The following LRCH1 variants were observed in gnomAD, a reference collection of about 807,000 sequenced individuals.
The protein encoded by LRCH1 is leucine rich repeats and calponin homology domain containing 1.
LRCH1 carries 23 observed loss-of-function variants against 94.9 expected under a neutral mutation model. The ratio of observed to expected loss-of-function variants is 0.24; its 90% CI spans 0.17 to 0.34. The LOEUF (loss-of-function observed/expected upper bound fraction) is 0.34. LRCH1 is among the 10% of genes least tolerant of loss of function. LRCH1 has a pLI of 1.00. For missense variants in LRCH1, 790 were observed against 945.9 expected (o/e 0.84, Z 2.16); for synonymous variants, 364 against 354.9 (o/e 1.03, Z -0.29).
At chr13:46,625,202 GTCCGTGTTAGCAGTACCCTC>G (rs1326013440) in intron 1 of LRCH1, among the ~76,000 whole-genome samples, 1 of 152,222 alleles carries the variant, frequency 6.6e-6, no homozygotes, top group Admixed American at 6.5e-5. Flanking sequence ...GACTCCCTCA[GTCCGTGTTAGCAGTACCCTC>G]TTCCATACTC....
intron 1 of LRCH1, among the ~76,000 whole-genome samples, chr13:46,644,972 C>T (rs1022230227): frequency 1.3e-5 from 2 of 152,176 alleles, no homozygotes; most frequent in Admixed American, 6.5e-5. Context: ...AATCTCATTC[C>T]TTGAGAGGCT....
intron 1 of LRCH1, among the ~76,000 whole-genome samples, chr13:46,607,696 T>C (rs899203307): frequency 6.6e-6 from 1 of 151,986 alleles, no homozygotes; most frequent in Non-Finnish European, 1.5e-5. Flanking sequence ...TAAACACTTG[T>C]ATTAGTTTCA....
chr13:46,653,482 TA>T (rs924955548), intron 2 of LRCH1, among the ~76,000 whole-genome samples: 9 of 152,204 alleles, frequency 5.9e-5, no homozygotes, highest in African/African-American at 2.2e-4. Flanking sequence ...CATATATAAT[TA>T]TTTTCAAAAC....
intron 1 of LRCH1, among the ~76,000 whole-genome samples, chr13:46,585,825 C>T (rs1396452555): frequency 6.9e-6 from 1 of 145,616 alleles, no homozygotes; most frequent in East Asian, 2.2e-4. Flanking sequence ...ACTAAGAAAT[C>T]CTTTCCAGCT....
chr13:46,571,163 C>T (rs1289518383), intron 1 of LRCH1, among the ~76,000 whole-genome samples: 1 of 152,190 alleles, frequency 6.6e-6, no homozygotes, highest in African/African-American at 2.4e-5. Flanking sequence ...ATATGTTAGA[C>T]TTTTGGTGAT....
intron 11 of LRCH1, among the ~76,000 whole-genome samples, chr13:46,702,296 G>C (rs1336487439): frequency 1.3e-5 from 2 of 152,170 alleles, no homozygotes; most frequent in African/African-American, 4.8e-5. Flanking sequence ...GAGGCCAGGA[G>C]TTCGAGACCA....
intron 10 of LRCH1, among the ~76,000 whole-genome samples, chr13:46,700,504 G>T (rs842398): frequency 0.79 from 120,516 of 152,046 alleles, 47,917 homozygotes; most frequent in African/African-American, 0.87. Flanking sequence ...CTATATAACG[G>T]TTTGGAAACT....
At chr13:46,714,325 T>C (rs998647737) in intron 15 of LRCH1, among the ~76,000 whole-genome samples, 1 of 152,210 alleles carries the variant, frequency 6.6e-6, no homozygotes, top group African/African-American at 2.4e-5. Flanking sequence ...TTGCATTATG[T>C]ATGGAAATTT....
intron 1 of LRCH1, among the ~76,000 whole-genome samples, chr13:46,587,492 TAG>T (rs1160227131): frequency 6.6e-6 from 1 of 152,238 alleles, no homozygotes; most frequent in Non-Finnish European, 1.5e-5. Context: ...AAAAACTTAA[TAG>T]AGTTTCTTAG....
intron 17 of LRCH1, among the ~76,000 whole-genome samples, chr13:46,725,120 C>T (rs181861367): frequency 6.6e-6 from 1 of 152,276 alleles, no homozygotes; most frequent in Non-Finnish European, 1.5e-5. Context: ...AACCAAATAC[C>T]ACGTTCTCAC....
chr13:46,733,821 A>C, intron 18 of LRCH1, 100 bp from the exon 19 acceptor site: 1 of 643,800 alleles, frequency 1.6e-6, no homozygotes, highest in South Asian at 2.1e-5. Context: ...TCCAATAAAC[A>C]TGTATTGCTT....
chr13:46,637,142 C>T (rs1474743990), intron 1 of LRCH1, among the ~76,000 whole-genome samples: 1 of 152,204 alleles, frequency 6.6e-6, no homozygotes. Flanking sequence ...TCATAATTGA[C>T]TACTCTTTTT....
chr13:46,600,033 A>G (rs1159911882), intron 1 of LRCH1, among the ~76,000 whole-genome samples: 1 of 152,202 alleles, frequency 6.6e-6, no homozygotes, highest in African/African-American at 2.4e-5. Context: ...TTGTTGTATT[A>G]AAAAATAGCA....
At chr13:46,665,618 C>G (rs1314451661) in intron 2 of LRCH1, among the ~76,000 whole-genome samples, 1 of 152,184 alleles carries the variant, frequency 6.6e-6, no homozygotes, top group East Asian at 1.9e-4. Context: ...CTTTCCTCCC[C>G]ACCCTGATCT....
intron 1 of LRCH1, among the ~76,000 whole-genome samples, chr13:46,554,551 C>T (rs1412594152): frequency 6.6e-6 from 1 of 152,206 alleles, no homozygotes; most frequent in Non-Finnish European, 1.5e-5. Context: ...CCTGTGTGAG[C>T]CCGGCAAGTT....
intron 1 of LRCH1, among the ~76,000 whole-genome samples, chr13:46,597,691 T>A (rs1476787866): frequency 3.3e-5 from 5 of 152,158 alleles, no homozygotes; most frequent in Non-Finnish European, 7.4e-5. Context: ...AAGGCTGTGA[T>A]GTGCCTTATA....
At chr13:46,655,358 CAT>C (rs1412789167) in intron 2 of LRCH1, among the ~76,000 whole-genome samples, 1 of 152,216 alleles carries the variant, frequency 6.6e-6, no homozygotes, top group African/African-American at 2.4e-5. Flanking sequence ...CATTTTCTCA[CAT>C]GACAGAAATG....
At chr13:46,582,020 T>G (rs1411193105) in intron 1 of LRCH1, among the ~76,000 whole-genome samples, 1 of 151,900 alleles carries the variant, frequency 6.6e-6, no homozygotes, top group Non-Finnish European at 1.5e-5. Flanking sequence ...CGTGCTGGTG[T>G]GTGCCTGTAG....
chr13:46,559,470 A>G (rs1417451655), intron 1 of LRCH1, among the ~76,000 whole-genome samples: 1 of 152,198 alleles, frequency 6.6e-6, no homozygotes, highest in Non-Finnish European at 1.5e-5. Flanking sequence ...CCAACATCAA[A>G]CAAAAGCTTT....
Sources: allele counts gnomAD v4.1 joint callset (sites outside exome capture counted in the v4.1 genomes callset), GRCh38; gene constraint gnomAD v4.1.1; transcripts MANE v1.5; gene names NCBI Gene and HGNC (gene_info 2026-07-23, HGNC 2026-07-21).